Variants in PHTF2 observed in about 807,000 individuals in gnomAD.
The protein encoded by PHTF2 is putative homeodomain transcription factor 2.
In PHTF2, 60 loss-of-function variants were observed where a neutral mutation model predicts 101.2. That is an observed-to-expected ratio of 0.59 (90% CI 0.48 to 0.73). The LOEUF is 0.73. Among genes scored for constraint, PHTF2 ranks in the 30% least tolerant of loss-of-function variants. The pLI is 0.00. For synonymous variants in PHTF2, 311 were observed against 307.3 expected (o/e 1.01, Z -0.13); for missense variants, 747 against 908.7 (o/e 0.82, Z 2.29).
intron 1 of PHTF2, among the ~76,000 whole-genome samples, chr7:77,828,753 A>G (rs1238272437): frequency 1.3e-5 from 2 of 152,214 alleles, no homozygotes; most frequent in African/African-American, 2.4e-5. Context: ...CTGTAATCCC[A>G]GCTACTCGGG....
chr7:77,863,799 T>C (rs1318311674), intron 3 of PHTF2, among the ~76,000 whole-genome samples: 1 of 151,530 alleles, frequency 6.6e-6, no homozygotes, highest in Non-Finnish European at 1.5e-5. Context: ...TTTTTTTTTT[T>C]TTTGGAAGAT....
chr7:77,944,271 G>A (rs1213536554), intron 16 of PHTF2, among the ~76,000 whole-genome samples: 1 of 152,120 alleles, frequency 6.6e-6, no homozygotes, highest in African/African-American at 2.4e-5. Context: ...CTTGACCTGT[G>A]TACCTCCCTA....
chr7:77,822,313 GT>G (rs1208356225), intron 1 of PHTF2, among the ~76,000 whole-genome samples: 1 of 152,168 alleles, frequency 6.6e-6, no homozygotes, highest in Non-Finnish European at 1.5e-5. Flanking sequence ...CCATGTGAGT[GT>G]GATGGAATGA....
Position 77,953,761 on chromosome 7 carries a change from T to C in PHTF2, c.2212-8T>C. On this transcript the variant is annotated splice_polypyrimidine_tract_variant and splice_region_variant and intron_variant, in intron 18 of 19. Transcript: ENST00000416283. ...ATCTGGGACTGACTTTTTTTTCTCT[T>C]CTGCTAGGAGTTGGACAGTCCTTTT... 2 of 1,607,290 alleles carry C rather than the reference T, an allele frequency of 1.2e-6. No individual in the cohort carries two copies. Among genetic ancestry groups the C allele is most frequent in the Non-Finnish European group, 1.7e-6 (2 of 1,177,006 alleles).
At chr7:77,926,460 C>G (rs972369178) in intron 11 of PHTF2, among the ~76,000 whole-genome samples, 1 of 152,078 alleles carries the variant, frequency 6.6e-6, no homozygotes, top group Admixed American at 6.6e-5. Flanking sequence ...CAGCCCTCCT[C>G]CCACAAACAC....
Position 77,949,663 on chromosome 7 carries a change from T to C in PHTF2, c.1960-15T>C, listed in dbSNP as rs1247909403. ...ATCACATTGCTGCTTTATGTTACCT[T>C]TTTCATACTTTTAGCTACTTCATGT... On this transcript the variant is annotated splice_polypyrimidine_tract_variant and intron_variant, in intron 16 of 19. Coordinates refer to ENST00000416283, the Ensembl canonical transcript of PHTF2. 1.3e-6 allele frequency: 2 copies of C among 1,482,016 alleles called. No individual in the cohort carries two copies. The highest frequency in any genetic ancestry group is 9.2e-7 in the Non-Finnish European group (1 of 1,089,594). 91.8% of individuals were successfully genotyped at this position (1,482,016 alleles called of 1,614,324 possible). A position where few individuals can be genotyped will look rare whatever the true frequency, so the allele number is the denominator to read the frequency against.
rs968204809 is a variant in PHTF2 at position 77,954,800 on chromosome 7, T to C, written c.2338-58T>C. The stretch of plus-strand genomic sequence containing the variant: ...AATTTAAAAATGGTGTTATATGATA[T>C]AATTTAAGCTTTGATATTAAAACTG... On this transcript the variant is annotated intron_variant, in intron 19 of 19. Coordinates refer to ENST00000416283, the Ensembl canonical transcript of PHTF2. 6 of 934,038 alleles carry C rather than the reference T, an allele frequency of 6.4e-6. No homozygotes were observed. The African/African-American group carries it at 6.8e-5, about 11-fold the overall frequency. 57.9% of individuals were successfully genotyped at this position (934,038 alleles called of 1,614,324 possible).
chr7:77,874,655 C>A (rs1417232055), intron 3 of PHTF2, among the ~76,000 whole-genome samples: 2 of 152,168 alleles, frequency 1.3e-5, no homozygotes, highest in African/African-American at 4.8e-5. Flanking sequence ...TTGTGCCCAC[C>A]CAAATTAAAG....
chr7:77,883,191 A>G (rs1221362585), intron 3 of PHTF2, among the ~76,000 whole-genome samples: 1 of 152,148 alleles, frequency 6.6e-6, no homozygotes, highest in African/African-American at 2.4e-5. Context: ...TATCCAAAGG[A>G]TTGAGAACTT....
chr7:77,822,273 T>C (rs1178384655), intron 1 of PHTF2, among the ~76,000 whole-genome samples: 1 of 152,108 alleles, frequency 6.6e-6, no homozygotes, highest in Non-Finnish European at 1.5e-5. Context: ...GCCCAGGCTT[T>C]GCATAGTTGG....
chr7:77,937,071 C>T (rs1805206196), intron 12 of PHTF2, among the ~76,000 whole-genome samples: 1 of 145,384 alleles, frequency 6.9e-6, no homozygotes, highest in South Asian at 2.1e-4. Flanking sequence ...GTAATATTTG[C>T]TTTATCTGGA....
At chr7:77,816,536 T>C (rs1793870334) in intron 1 of PHTF2, among the ~76,000 whole-genome samples, 1 of 152,248 alleles carries the variant, frequency 6.6e-6, no homozygotes, top group African/African-American at 2.4e-5. Flanking sequence ...TCAGTACATG[T>C]AATGTATAGT....
chr7:77,868,318 A>G (rs2150703709), intron 3 of PHTF2, among the ~76,000 whole-genome samples: 1 of 145,840 alleles, frequency 6.9e-6, no homozygotes, highest in Admixed American at 7.1e-5. Flanking sequence ...CTAATTAAAA[A>G]AAAATTTTTT....
At chr7:77,944,406 C>G (rs182086777) in intron 16 of PHTF2, among the ~76,000 whole-genome samples, 2 of 152,128 alleles carry the variant, frequency 1.3e-5, no homozygotes, top group Admixed American at 6.5e-5. Flanking sequence ...ATGACAAGGA[C>G]GGGGGAAAAG....
chr7:77,934,240 A>G (rs1804879207), intron 12 of PHTF2, among the ~76,000 whole-genome samples: 1 of 152,246 alleles, frequency 6.6e-6, no homozygotes, highest in Non-Finnish European at 1.5e-5. Flanking sequence ...TCTAATCAGA[A>G]TATTCCCAAA....
Position 77,953,772 on chromosome 7 carries a change from T to G in PHTF2, c.2215T>G (p.Leu739Val). Residue 739 changes from leucine to valine, a missense_variant, in exon 19 of 20, where the codon TTG (leucine) becomes GTG (valine). Around this residue, in one of 6 missense-constraint regions of PHTF2, gnomAD observed 188 missense variants for 286.5 expected, o/e 0.66. Coordinates refer to ENST00000416283, the Ensembl canonical transcript of PHTF2. Reference sequence around the variant, plus strand: ...ACTTTTTTTTCTCTTCTGCTAGGAGTTGGACAGTCCTTTTAGATTATATGG... The same window carrying G: ...ACTTTTTTTTCTCTTCTGCTAGGAGGTGGACAGTCCTTTTAGATTATATGG... 1 of 1,612,542 alleles carries G rather than the reference T, an allele frequency of 6.2e-7. No individual in the cohort carries two copies. Among genetic ancestry groups the G allele is most frequent in the Non-Finnish European group, 8.5e-7 (1 of 1,179,016 alleles).
intron 3 of PHTF2, among the ~76,000 whole-genome samples, chr7:77,875,585 T>C (rs900226127): frequency 3.3e-5 from 5 of 151,760 alleles, no homozygotes; most frequent in Admixed American, 2.0e-4. Flanking sequence ...TGACATGGAG[T>C]CTCGCTGTGT....
intron 15 of PHTF2, among the ~76,000 whole-genome samples, chr7:77,941,250 T>G (rs1805614428): frequency 6.6e-6 from 1 of 152,154 alleles, no homozygotes; most frequent in East Asian, 1.9e-4. Flanking sequence ...AAAGAAGCCC[T>G]AATAATAATA....
intron 1 of PHTF2, among the ~76,000 whole-genome samples, chr7:77,806,600 T>C (rs2150473006): frequency 6.6e-6 from 1 of 152,322 alleles, no homozygotes; most frequent in Non-Finnish European, 1.5e-5. Context: ...TTTTGGGTCT[T>C]GGGTCTTGCT....
Sources: allele counts gnomAD v4.1 joint callset (sites outside exome capture counted in the v4.1 genomes callset), GRCh38; gene constraint gnomAD v4.1.1; regional missense constraint gnomAD v4.1.1; transcripts MANE v1.5; gene names NCBI Gene and HGNC (gene_info 2026-07-23, HGNC 2026-07-21).